Variants in ADCY8 observed in about 807,000 individuals in gnomAD.
The protein encoded by ADCY8 is adenylate cyclase 8, also known as adenylate cyclase type 8.
In ADCY8, 51 loss-of-function variants were observed where a neutral mutation model predicts 119.7. The observed-to-expected ratio is 0.43, with a 90% confidence interval of 0.34 to 0.54. The LOEUF (loss-of-function observed/expected upper bound fraction) is 0.54. ADCY8 is among the 20% of genes least tolerant of loss of function. ADCY8 has a pLI of 0.03. For missense variants in ADCY8, 1,383 were observed against 1,598.8 expected (o/e 0.87, Z 2.30); for synonymous variants, 665 against 651.0 (o/e 1.02, Z -0.33).
At chr8:130,972,663 T>C (rs1174932394) in intron 2 of ADCY8, among the ~76,000 whole-genome samples, 1 of 152,212 alleles carries the variant, frequency 6.6e-6, no homozygotes, top group Non-Finnish European at 1.5e-5. Flanking sequence ...AAACCTGTTT[T>C]GTTCATTTAA....
At chr8:130,936,942 A>G in intron 5 of ADCY8, 131 bp downstream of exon 5, 1 of 1,158,316 alleles carries the variant, frequency 8.6e-7, no homozygotes, top group Non-Finnish European at 1.2e-6. Context: ...TAAGGGGCAC[A>G]CAGTTTTTGT....
At chr8:130,784,641 G>A (rs890516334) in intron 16 of ADCY8, among the ~76,000 whole-genome samples, 5 of 152,146 alleles carry the variant, frequency 3.3e-5, no homozygotes, top group African/African-American at 1.2e-4. Context: ...TTCCAATAAA[G>A]TTTTATTTAT....
At chr8:130,832,083 C>T (rs1816851383) in intron 12 of ADCY8, among the ~76,000 whole-genome samples, 1 of 152,136 alleles carries the variant, frequency 6.6e-6, no homozygotes, top group African/African-American at 2.4e-5. Context: ...GATGGAACAG[C>T]TGGGATTTCA....
At position 130,805,012 on chromosome 8, in the gene ADCY8, G is replaced by T. The variant is rs113840108; in HGVS notation, c.2914-4440C>A. Among the ~76,000 whole-genome samples, 131 of 152,060 alleles carry T rather than the reference G, an allele frequency of 8.6e-4. 1 individual carries two copies. Among genetic ancestry groups the T allele is most frequent in the African/African-American group, 3.1e-3 (128 of 41,316 alleles). On this transcript the variant is annotated intron_variant, in intron 14 of 17. Transcript: ENST00000286355. ...TCTACCCACCTAGGCCTCCCAAAGT[G>T]TTGGGATTATAGGCATGAGCTACTG...
intron 6 of ADCY8, among the ~76,000 whole-genome samples, chr8:130,904,897 C>T (rs565435483): frequency 2.0e-5 from 3 of 152,204 alleles, no homozygotes; most frequent in African/African-American, 7.2e-5. Context: ...CTACTTATTG[C>T]GTTATAGTGT....
intron 2 of ADCY8, among the ~76,000 whole-genome samples, chr8:130,954,087 T>A (rs1433021331): frequency 6.6e-6 from 1 of 152,226 alleles, no homozygotes; most frequent in African/African-American, 2.4e-5. Flanking sequence ...TCTGCACTTG[T>A]AAGTGATAGA....
Position 130,901,933 on chromosome 8 carries a change from C to T in ADCY8, c.1911+1839G>A, listed in dbSNP as rs561489139. Among the ~76,000 whole-genome samples the T allele has an allele frequency of 9.2e-5, 14 of 152,240 alleles. No individual in the cohort carries two copies. In the South Asian group the frequency reaches 1.7e-3, roughly 18 times the overall value. On this transcript the variant is annotated intron_variant, in intron 7 of 17. Coordinates refer to ENST00000286355, the MANE Select transcript of ADCY8 (RefSeq NM_001115.3). ...GGTATTTGGTGACATCAGGAAATAT[C>T]TTTAGGAAATCAGCAAATAAATATT...
intron 9 of ADCY8, among the ~76,000 whole-genome samples, chr8:130,851,662 C>CAGTA (rs1817533695): frequency 6.6e-6 from 1 of 152,018 alleles, no homozygotes; most frequent in Non-Finnish European, 1.5e-5. Context: ...CACAGGGGAA[C>CAGTA]AGTATGATAA....
intron 1 of ADCY8, among the ~76,000 whole-genome samples, chr8:131,015,008 A>G (rs1823424537): frequency 7.1e-6 from 1 of 140,766 alleles, no homozygotes; most frequent in Non-Finnish European, 1.6e-5. Flanking sequence ...ACAGGCATAA[A>G]TGTGGAGTAT....
chr8:130,932,722 A>G (rs933827362), intron 5 of ADCY8, among the ~76,000 whole-genome samples: 1 of 152,164 alleles, frequency 6.6e-6, no homozygotes, highest in Non-Finnish European at 1.5e-5. Flanking sequence ...GAATAATCAC[A>G]AGAGAGTCCT....
chr8:130,992,676 A>G (rs1831321), intron 1 of ADCY8, among the ~76,000 whole-genome samples: 1 of 151,142 alleles, frequency 6.6e-6, no homozygotes, highest in Non-Finnish European at 1.5e-5. Flanking sequence ...GGGCCTCCCA[A>G]AGTGCTGGGA....
chr8:131,009,366 G>T (rs1247750654), intron 1 of ADCY8, among the ~76,000 whole-genome samples: 4 of 152,196 alleles, frequency 2.6e-5, no homozygotes, highest in Non-Finnish European at 5.9e-5. Flanking sequence ...AGAGTGACCA[G>T]GTGGAGGTAT....
chr8:131,025,240 C>A lies in ADCY8; in HGVS notation c.960+14134G>T, dbSNP rs575134441. 2.0e-5 allele frequency among the ~76,000 whole-genome samples: 3 copies of A among 152,238 alleles called. No individual in the cohort carries two copies. The East Asian group carries it at 5.8e-4, about 29-fold the overall frequency. ...AAACATTGCTACTATTTGCAAGGTA[C>A]ATTTCATTTTTCTTTTTCTTTATTA... On this transcript the variant is annotated intron_variant, in intron 1 of 17. Coordinates refer to ENST00000286355, the MANE Select transcript of ADCY8 (RefSeq NM_001115.3).
intron 15 of ADCY8, among the ~76,000 whole-genome samples, chr8:130,799,908 T>C (rs922444038): frequency 6.8e-6 from 1 of 147,414 alleles, no homozygotes; most frequent in South Asian, 2.2e-4. Flanking sequence ...AGTTTATGAA[T>C]GGAACTGAAG....
intron 7 of ADCY8, among the ~76,000 whole-genome samples, chr8:130,890,516 T>C (rs901075986): frequency 6.6e-6 from 1 of 152,200 alleles, no homozygotes; most frequent in African/African-American, 2.4e-5. Flanking sequence ...AAGTAGTTTA[T>C]TTTCCTGCTA....
At chr8:130,916,935 C>G (rs1820147903) in intron 5 of ADCY8, among the ~76,000 whole-genome samples, 1 of 152,148 alleles carries the variant, frequency 6.6e-6, no homozygotes, top group Admixed American at 6.5e-5. Flanking sequence ...GTCTTTAATT[C>G]CTCTAGCACC....
At chr8:131,037,637 A>C (rs1824202239) in intron 1 of ADCY8, among the ~76,000 whole-genome samples, 1 of 152,178 alleles carries the variant, frequency 6.6e-6, no homozygotes, top group Non-Finnish European at 1.5e-5. Flanking sequence ...AGATGAAAAA[A>C]AGAGAAGGCA....
intron 9 of ADCY8, among the ~76,000 whole-genome samples, chr8:130,859,009 T>A (rs1157225918): frequency 6.6e-6 from 1 of 152,000 alleles, no homozygotes; most frequent in Non-Finnish European, 1.5e-5. Context: ...CTTGTATATT[T>A]CCTGTCTCAC....
chr8:130,887,833 A>G (rs1287798872), intron 7 of ADCY8, among the ~76,000 whole-genome samples: 1 of 149,718 alleles, frequency 6.7e-6, no homozygotes, highest in African/African-American at 2.4e-5. Context: ...TCAGTGGGAT[A>G]ATGTTACCAA....
Sources: allele counts gnomAD v4.1 joint callset (sites outside exome capture counted in the v4.1 genomes callset), GRCh38; gene constraint gnomAD v4.1.1; transcripts MANE v1.5; gene names NCBI Gene and HGNC (gene_info 2026-07-23, HGNC 2026-07-21).